The following PPP2R5A variants were observed in gnomAD, a reference collection of about 807,000 sequenced individuals.
The protein encoded by PPP2R5A is protein phosphatase 2 regulatory subunit B'alpha, also known as serine/threonine-protein phosphatase 2A 56 kDa regulatory subunit alpha isoform.
In PPP2R5A, 25 loss-of-function variants were observed where a neutral mutation model predicts 64.2. The ratio of observed to expected loss-of-function variants is 0.39; its 90% confidence interval spans 0.28 to 0.54. The LOEUF is 0.54. Among genes scored for constraint, PPP2R5A ranks in the 20% least tolerant of loss-of-function variants. The pLI, the probability that PPP2R5A is intolerant of heterozygous loss-of-function variation, is 0.67. For missense variants in PPP2R5A, 425 were observed against 576.3 expected (o/e 0.74, Z 2.69); for synonymous variants, 198 against 201.2 (o/e 0.98, Z 0.13).
intron 1 of PPP2R5A, chr1:212,301,969 T>C: frequency 7.3e-7 from 1 of 1,371,458 alleles, no homozygotes; most frequent in Non-Finnish European, 9.5e-7. Context: ...CTTCAAATTA[T>C]TTATCCTTAA....
intron 1 of PPP2R5A, among the ~76,000 whole-genome samples, chr1:212,305,781 C>G (rs889301975): frequency 6.6e-6 from 1 of 151,872 alleles, no homozygotes; most frequent in Non-Finnish European, 1.5e-5. Flanking sequence ...AAGACTGACC[C>G]TTCTATCATT....
At chr1:212,324,134 T>A (rs1240428804) in intron 1 of PPP2R5A, among the ~76,000 whole-genome samples, 1 of 152,122 alleles carries the variant, frequency 6.6e-6, no homozygotes, top group African/African-American at 2.4e-5. Context: ...ACGATGGGGC[T>A]ATGTAATGAG....
intron 1 of PPP2R5A, 29 bp downstream of exon 1, chr1:212,286,320 C>T (rs2102407651): frequency 6.8e-7 from 1 of 1,460,016 alleles, no homozygotes; most frequent in East Asian, 2.9e-5. Context: ...GCCCCAGCAG[C>T]GAGCGCAGGG....
At chr1:212,320,376 T>C (rs1386468135) in intron 1 of PPP2R5A, among the ~76,000 whole-genome samples, 1 of 152,138 alleles carries the variant, frequency 6.6e-6, no homozygotes, top group Non-Finnish European at 1.5e-5. Flanking sequence ...CCATCCGATT[T>C]CTCAATCTTT....
chr1:212,336,119 A>G (rs545743568), intron 3 of PPP2R5A, among the ~76,000 whole-genome samples: 1 of 151,782 alleles, frequency 6.6e-6, no homozygotes, highest in South Asian at 2.1e-4. Flanking sequence ...TTTTTTATTT[A>G]TGTATTTATT....
At chr1:212,304,442 G>A (rs938073190) in intron 1 of PPP2R5A, among the ~76,000 whole-genome samples, 3 of 152,032 alleles carry the variant, frequency 2.0e-5, no homozygotes, top group African/African-American at 7.2e-5. Context: ...CCAGCTACTT[G>A]GGAGGCTGAG....
chr1:212,299,980 T>G (rs1658770388), intron 1 of PPP2R5A, among the ~76,000 whole-genome samples: 1 of 152,110 alleles, frequency 6.6e-6, no homozygotes, highest in Admixed American at 6.5e-5. Flanking sequence ...AGCCAGCTAA[T>G]TTTTGTATTT....
chr1:212,338,328 A>G (rs573709793), intron 3 of PPP2R5A, among the ~76,000 whole-genome samples: 1 of 152,356 alleles, frequency 6.6e-6, no homozygotes, highest in African/African-American at 2.4e-5. Context: ...ACAGAAGTAG[A>G]AGGACTAGCC....
At chr1:212,297,780 G>T (rs1482429222) in intron 1 of PPP2R5A, 1 of 150,934 alleles carries the variant, frequency 6.6e-6, no homozygotes, top group African/African-American at 2.4e-5. Context: ...TTTTATGAAT[G>T]AGTACTGAGA....
At chr1:212,342,341 A>C in intron 4 of PPP2R5A, 61 bp downstream of exon 4, 2 of 1,552,054 alleles carry the variant, frequency 1.3e-6, no homozygotes, top group Non-Finnish European at 1.7e-6. Context: ...TTATTAACTT[A>C]TTATTAAAAT....
chr1:212,286,153 A>G lies in PPP2R5A; in HGVS notation c.43A>G (p.Ile15Val). Residue 15 changes from isoleucine (I) to valine (V), a missense_variant, in exon 1 of 13, where the codon ATC (isoleucine) becomes GTC (valine). Ile to Val is a conservative substitution (Grantham distance 29). Transcript: ENST00000261461. Reference sequence around the variant, plus strand: ...GCCGGCGGGGGCTGCCAGCGCCGCCATCTCGGCCTCGGAGAAAGTGGACGG... The same window carrying G: ...GCCGGCGGGGGCTGCCAGCGCCGCCGTCTCGGCCTCGGAGAAAGTGGACGG... ...SPPAGAASAA[I>V]SASEKVDGFT... 1 of 1,588,070 alleles carries G rather than the reference A, an allele frequency of 6.3e-7. No homozygotes were observed. Among genetic ancestry groups the G allele is most frequent in the Non-Finnish European group, 8.6e-7 (1 of 1,169,174 alleles).
At chr1:212,314,600 A>G (rs138207804) in intron 1 of PPP2R5A, among the ~76,000 whole-genome samples, 180 of 143,512 alleles carry the variant, frequency 1.3e-3, no homozygotes, top group African/African-American at 4.8e-3. Flanking sequence ...TGTGATGCCC[A>G]GGGTGAAGTG....
intron 1 of PPP2R5A, chr1:212,309,487 G>A: frequency 1.3e-6 from 1 of 794,380 alleles, no homozygotes; most frequent in Non-Finnish European, 2.2e-6. Context: ...TTTAGAAGGG[G>A]CAGGAGCTTC....
intron 1 of PPP2R5A, among the ~76,000 whole-genome samples, chr1:212,298,452 AC>A (rs1252864910): frequency 2.0e-4 from 5 of 24,910 alleles, no homozygotes; most frequent in Middle Eastern, 0.023. Context: ...CGGGGGGCTG[AC>A]CCCCCCACCG....
intron 4 of PPP2R5A, among the ~76,000 whole-genome samples, chr1:212,342,844 C>A (rs2102441167): frequency 6.8e-6 from 1 of 146,692 alleles, no homozygotes; most frequent in Non-Finnish European, 1.5e-5. Flanking sequence ...AATTGTGATG[C>A]CTTCTTTTTT....
At chr1:212,352,533 C>G (rs886106033) in intron 8 of PPP2R5A, among the ~76,000 whole-genome samples, 6 of 151,908 alleles carry the variant, frequency 3.9e-5, no homozygotes, top group Admixed American at 3.3e-4. Context: ...GACGGCAGCC[C>G]TGACCTCCCA....
At chr1:212,324,838 C>T (rs1334097300) in intron 1 of PPP2R5A, among the ~76,000 whole-genome samples, 1 of 152,104 alleles carries the variant, frequency 6.6e-6, no homozygotes, top group African/African-American at 2.4e-5. Flanking sequence ...ATCTTCTTAC[C>T]TTGTGATCCA....
intron 1 of PPP2R5A, among the ~76,000 whole-genome samples, chr1:212,290,138 C>A (rs2102409185): frequency 6.6e-6 from 1 of 152,294 alleles, no homozygotes; most frequent in Middle Eastern, 3.4e-3. Flanking sequence ...TTGGTCCATT[C>A]TTAGCAACTG....
At chr1:212,344,256 G>A (rs1659736084) in intron 4 of PPP2R5A, among the ~76,000 whole-genome samples, 1 of 152,210 alleles carries the variant, frequency 6.6e-6, no homozygotes, top group Admixed American at 6.5e-5. Context: ...TTACAGTTGA[G>A]AGCCACTTTG....
Sources: allele counts gnomAD v4.1 joint callset (sites outside exome capture counted in the v4.1 genomes callset), GRCh38; gene constraint gnomAD v4.1.1; transcripts MANE v1.5; gene names NCBI Gene and HGNC (gene_info 2026-07-23, HGNC 2026-07-21).